The following TRPM3 variants were observed in gnomAD, a reference collection of about 807,000 sequenced individuals.
TRPM3 encodes the protein long transient receptor potential channel 3.
TRPM3 carries 77 observed loss-of-function variants against 181.2 expected under a neutral mutation model. That is an observed-to-expected ratio of 0.42 (90% CI 0.35 to 0.51). The LOEUF is 0.51. Ranked by LOEUF, TRPM3 falls within the 20% of genes least tolerant of loss-of-function variation. The pLI is 0.01. For missense variants in TRPM3, 1,759 were observed against 2,196.7 expected (o/e 0.80, Z 3.98); for synonymous variants, 745 against 796.4 (o/e 0.94, Z 1.09).
intron 3 of TRPM3, among the ~76,000 whole-genome samples, chr9:70,858,545 A>T (rs1359816699): frequency 1.3e-5 from 2 of 152,160 alleles, no homozygotes; most frequent in African/African-American, 4.8e-5. Context: ...ATGCTTATTT[A>T]TGTCTGGATG....
At chr9:70,653,582 G>T (rs2059872283) in intron 9 of TRPM3, among the ~76,000 whole-genome samples, 2 of 148,826 alleles carry the variant, frequency 1.3e-5, no homozygotes, top group Admixed American at 1.4e-4. Context: ...CTCTAATTTG[G>T]CTAAAATTCC....
intron 1 of TRPM3, among the ~76,000 whole-genome samples, chr9:71,366,460 G>T (rs1261732276): frequency 6.6e-6 from 1 of 152,156 alleles, no homozygotes; most frequent in Non-Finnish European, 1.5e-5. Context: ...TAAGTACCAA[G>T]AGAGGTCAAG....
intron 1 of TRPM3, among the ~76,000 whole-genome samples, chr9:70,992,671 A>T (rs2097500327): frequency 6.6e-6 from 1 of 152,250 alleles, no homozygotes; most frequent in Admixed American, 6.5e-5. Flanking sequence ...TTTTAATTCT[A>T]TTTAATTTTA....
chr9:71,383,173 A>G (rs1216422255), intron 1 of TRPM3, among the ~76,000 whole-genome samples: 1 of 152,180 alleles, frequency 6.6e-6, no homozygotes, highest in South Asian at 2.1e-4. Context: ...TATCACTGTT[A>G]GCTCCAACTG....
chr9:71,110,796 T>C (rs1418234420), intron 1 of TRPM3, among the ~76,000 whole-genome samples: 1 of 152,198 alleles, frequency 6.6e-6, no homozygotes, highest in Non-Finnish European at 1.5e-5. Context: ...TGACTAAAAT[T>C]AGCTATAGTT....
At chr9:71,153,663 C>T (rs2075847576) in intron 1 of TRPM3, among the ~76,000 whole-genome samples, 1 of 152,056 alleles carries the variant, frequency 6.6e-6, no homozygotes, top group Non-Finnish European at 1.5e-5. Context: ...ACTTTTATCT[C>T]AGGATAATTT....
chr9:71,083,606 T>C (rs2064766313), intron 1 of TRPM3, among the ~76,000 whole-genome samples: 1 of 151,986 alleles, frequency 6.6e-6, no homozygotes, highest in Non-Finnish European at 1.5e-5. Flanking sequence ...TTAATGACTA[T>C]TACTTTATGC....
intron 1 of TRPM3, among the ~76,000 whole-genome samples, chr9:71,378,666 T>C (rs2092721649): frequency 6.6e-6 from 1 of 152,048 alleles, no homozygotes; most frequent in Non-Finnish European, 1.5e-5. Context: ...CCGGAGAGTG[T>C]TTCTATGTTG....
chr9:71,330,196 G>A (rs959127975), intron 1 of TRPM3, among the ~76,000 whole-genome samples: 3 of 151,770 alleles, frequency 2.0e-5, no homozygotes, highest in Non-Finnish European at 4.4e-5. Context: ...CCTAATCTTG[G>A]CTAATTAGAG....
At chr9:70,972,639 G>T (rs1284663319) in intron 1 of TRPM3, among the ~76,000 whole-genome samples, 1 of 152,024 alleles carries the variant, frequency 6.6e-6, no homozygotes, top group South Asian at 2.1e-4. Context: ...ACTCAAAAAA[G>T]TTCTTCTTTT....
At chr9:71,370,743 C>T (rs953642153) in intron 1 of TRPM3, among the ~76,000 whole-genome samples, 1 of 152,184 alleles carries the variant, frequency 6.6e-6, no homozygotes, top group Non-Finnish European at 1.5e-5. Context: ...GATGGCCACA[C>T]TAAACAACAT....
At chr9:71,428,934 AC>A (rs2093914926) in intron 1 of TRPM3, among the ~76,000 whole-genome samples, 1 of 130,042 alleles carries the variant, frequency 7.7e-6, no homozygotes. Context: ...ACAAAGTGGG[AC>A]CCTGTTTCAA....
chr9:70,738,680 C>T (rs1396054558), intron 8 of TRPM3, among the ~76,000 whole-genome samples: 1 of 151,888 alleles, frequency 6.6e-6, no homozygotes, highest in Non-Finnish European at 1.5e-5. Flanking sequence ...TATGAAAGAT[C>T]AATGAAACAA....
chr9:70,873,233 T>C (rs1031655721), intron 1 of TRPM3, among the ~76,000 whole-genome samples: 1 of 151,990 alleles, frequency 6.6e-6, no homozygotes, highest in Non-Finnish European at 1.5e-5. Flanking sequence ...AATAAATGTA[T>C]TGTGTTCTCT....
chr9:71,443,311 A>T (rs1004265554), intron 1 of TRPM3, among the ~76,000 whole-genome samples: 4 of 152,120 alleles, frequency 2.6e-5, no homozygotes, highest in Non-Finnish European at 4.4e-5. Flanking sequence ...GGGAGAGAAG[A>T]TGTTTCCTGA....
chr9:71,293,280 T>C (rs1341717216), intron 1 of TRPM3, among the ~76,000 whole-genome samples: 1 of 151,802 alleles, frequency 6.6e-6, no homozygotes, highest in African/African-American at 2.4e-5. Context: ...TTAACTTTGA[T>C]TGTGAGTCAA....
chr9:70,783,277 CACA>C (rs2082862975), intron 7 of TRPM3, among the ~76,000 whole-genome samples: 2 of 152,168 alleles, frequency 1.3e-5, no homozygotes, highest in African/African-American at 4.8e-5. Context: ...TTCCCCTCCC[CACA>C]AATTTCATGT....
At chr9:71,110,262 G>A (rs151121258) in intron 1 of TRPM3, among the ~76,000 whole-genome samples, 3 of 152,302 alleles carry the variant, frequency 2.0e-5, no homozygotes, top group East Asian at 3.9e-4. Context: ...TTGGCAAACT[G>A]TGGAGCACAG....
intron 21 of TRPM3, among the ~76,000 whole-genome samples, chr9:70,597,591 T>C (rs1211668802): frequency 6.6e-6 from 1 of 152,176 alleles, no homozygotes; most frequent in Non-Finnish European, 1.5e-5. Context: ...ACTGATGCTG[T>C]TCTCCTAGGG....
Sources: gnomAD v4.1 joint callset for allele counts (sites outside exome capture counted in the v4.1 genomes callset) on GRCh38, gnomAD v4.1.1 for gene constraint, MANE v1.5 for transcripts, NCBI Gene and HGNC (gene_info 2026-07-23, HGNC 2026-07-21) for gene names.